Variants in SCHIP1 observed in about 807,000 individuals in gnomAD.
The protein encoded by SCHIP1 is schwannomin-interacting protein 1.
SCHIP1 carries 8 observed loss-of-function variants against 29.7 expected under a neutral mutation model. The observed-to-expected ratio is 0.27, with a 90% CI of 0.16 to 0.49. The LOEUF (loss-of-function observed/expected upper bound fraction) is 0.49, where lower values mean the gene tolerates loss of function less well. Ranked by LOEUF, SCHIP1 falls within the 20% of genes least tolerant of loss-of-function variation. SCHIP1 has a pLI of 0.99. For synonymous variants in SCHIP1, 76 were observed against 94.9 expected, an observed-to-expected ratio of 0.80 and a Z score of 1.16; for missense variants, 193 against 294.6, an observed-to-expected ratio of 0.66 and a Z score of 2.52.
the SCHIP1 span, among the ~76,000 whole-genome samples, chr3:159,321,967 T>G: frequency 6.6e-6 from 1 of 152,172 alleles, no homozygotes; most frequent in Non-Finnish European, 1.5e-5. Flanking sequence ...CTAAGCAGTA[T>G]TTTAGTCAGA....
intron 1 of SCHIP1, among the ~76,000 whole-genome samples, chr3:159,847,907 A>C (rs1712057461): frequency 6.6e-6 from 1 of 152,232 alleles, no homozygotes; most frequent in African/African-American, 2.4e-5. Context: ...GAAAAAAATT[A>C]TTTGAAAAGA....
the SCHIP1 span, among the ~76,000 whole-genome samples, chr3:159,689,843 C>T: frequency 2.6e-5 from 4 of 152,162 alleles, no homozygotes; most frequent in African/African-American, 9.7e-5. Context: ...TTTTCTGCAT[C>T]TATTGAGATA....
chr3:159,604,929 G>C, the SCHIP1 span, among the ~76,000 whole-genome samples: 1 of 152,200 alleles, frequency 6.6e-6, no homozygotes, highest in Non-Finnish European at 1.5e-5. Context: ...TGACCAAATT[G>C]TGAAACAAGC....
the SCHIP1 span, among the ~76,000 whole-genome samples, chr3:159,372,750 T>C: frequency 6.6e-6 from 1 of 152,072 alleles, no homozygotes; most frequent in Admixed American, 6.5e-5. Context: ...AGTAATAATA[T>C]TTTTTGCATG....
At chr3:159,876,060 CAG>C (rs1715775797) in intron 2 of SCHIP1, among the ~76,000 whole-genome samples, 1 of 152,168 alleles carries the variant, frequency 6.6e-6, no homozygotes, top group Admixed American at 6.5e-5. Flanking sequence ...TCTAAGTAGA[CAG>C]AATATTTATG....
At chr3:159,493,478 A>G in the SCHIP1 span, among the ~76,000 whole-genome samples, 20 of 152,272 alleles carry the variant, frequency 1.3e-4, no homozygotes, top group South Asian at 3.7e-3. Flanking sequence ...CAGACTTTAA[A>G]CCAACAAAGA....
intron 1 of SCHIP1, among the ~76,000 whole-genome samples, chr3:159,858,694 A>G (rs1370554637): frequency 6.6e-6 from 1 of 152,210 alleles, no homozygotes; most frequent in Non-Finnish European, 1.5e-5. Flanking sequence ...ATGTCAGCCA[A>G]TACTGAAGTA....
chr3:159,647,573 T>C, the SCHIP1 span, among the ~76,000 whole-genome samples: 1 of 152,124 alleles, frequency 6.6e-6, no homozygotes, highest in Non-Finnish European at 1.5e-5. Flanking sequence ...GTACCAGCAG[T>C]GTCTGTCAGA....
At chr3:159,797,806 C>T in the SCHIP1 span, among the ~76,000 whole-genome samples, 1 of 152,118 alleles carries the variant, frequency 6.6e-6, no homozygotes, top group Admixed American at 6.6e-5. Context: ...TAGAATTAGG[C>T]AACACCTCAT....
At chr3:159,380,035 A>G in the SCHIP1 span, among the ~76,000 whole-genome samples, 1 of 152,228 alleles carries the variant, frequency 6.6e-6, no homozygotes, top group Admixed American at 6.5e-5. Flanking sequence ...AATTTTAACT[A>G]AGATCCAAAT....
At chr3:159,401,111 C>G in the SCHIP1 span, 2 of 866,804 alleles carry the variant, frequency 2.3e-6, no homozygotes, top group Non-Finnish European at 2.8e-6. Flanking sequence ...TTATCTTTTC[C>G]TTCACCAACA....
chr3:159,704,874 TTC>T, the SCHIP1 span, among the ~76,000 whole-genome samples: 1 of 83,262 alleles, frequency 1.2e-5, no homozygotes, highest in East Asian at 4.0e-4. Context: ...TTTTCTTTCT[TTC>T]TTTCTTTCTT....
At chr3:159,598,141 A>G in the SCHIP1 span, among the ~76,000 whole-genome samples, 1 of 152,168 alleles carries the variant, frequency 6.6e-6, no homozygotes, top group Admixed American at 6.5e-5. Context: ...TTTGGATTAC[A>G]ATTTAAGATG....
the SCHIP1 span, among the ~76,000 whole-genome samples, chr3:159,348,892 C>T: frequency 7.2e-5 from 11 of 152,256 alleles, no homozygotes; most frequent in East Asian, 2.1e-3. Flanking sequence ...ACATATTTTA[C>T]TCATATCTTA....
At chr3:159,653,089 T>A in the SCHIP1 span, among the ~76,000 whole-genome samples, 1 of 152,140 alleles carries the variant, frequency 6.6e-6, no homozygotes, top group Non-Finnish European at 1.5e-5. Context: ...ATCTACTGTT[T>A]GGATGCTGGC....
chr3:159,653,244 A>G, the SCHIP1 span, among the ~76,000 whole-genome samples: 7 of 152,230 alleles, frequency 4.6e-5, no homozygotes, highest in Non-Finnish European at 8.8e-5. Context: ...CTGGGAATAT[A>G]CACAAAGGAT....
chr3:159,702,216 T>C, the SCHIP1 span, among the ~76,000 whole-genome samples: 6,383 of 152,260 alleles, frequency 0.042, 420 homozygotes, highest in African/African-American at 0.14. Flanking sequence ...ATAGTGTAAT[T>C]GGTCATTGTT....
chr3:159,884,905 A>G (rs1324746587), intron 2 of SCHIP1, among the ~76,000 whole-genome samples: 1 of 152,152 alleles, frequency 6.6e-6, no homozygotes, highest in African/African-American at 2.4e-5. Flanking sequence ...GGGAGCAAAT[A>G]GAGCTGGGCA....
At chr3:159,387,456 C>T in the SCHIP1 span, 2 of 221,360 alleles carry the variant, frequency 9.0e-6, no homozygotes, top group East Asian at 1.4e-4. Context: ...GCTCTGCAGG[C>T]TCCCAGACCC....
Sources: allele counts gnomAD v4.1 joint callset (sites outside exome capture counted in the v4.1 genomes callset), GRCh38; gene constraint gnomAD v4.1.1; transcripts MANE v1.5; gene names NCBI Gene and HGNC (gene_info 2026-07-23, HGNC 2026-07-21).